C12orf56: variants seen among roughly 807,000 people sequenced by gnomAD.
C12orf56 encodes the protein uncharacterized protein C12orf56.
Under a neutral mutation model 69.9 loss-of-function variants are expected in C12orf56, and 71 were observed. That is an observed-to-expected ratio of 1.02 (90% confidence interval 0.84 to 1.24). The LOEUF is 1.24. Among genes scored for constraint, C12orf56 ranks in the 50% most tolerant of loss-of-function variants. The probability of loss-of-function intolerance (pLI) is 0.00; values close to 1 mark genes in which losing one functional copy is unlikely to be tolerated. For synonymous variants in C12orf56, 276 were observed against 274.1 expected (o/e 1.01, Z -0.07); for missense variants, 732 against 738.5 (o/e 0.99, Z 0.10).
At chr12:64,358,482 A>AATAATAATAATAATAATAATCATC (rs11275269) in intron 1 of C12orf56, among the ~76,000 whole-genome samples, 19 of 125,942 alleles carry the variant, frequency 1.5e-4, no homozygotes, top group African/African-American at 4.5e-4. Flanking sequence ...TAATAATAAT[A>AATAATAATAATAATAATAATCATC]ATCATCATCA....
chr12:64,368,288 C>T (rs2039525629), intron 1 of C12orf56, among the ~76,000 whole-genome samples: 1 of 152,096 alleles, frequency 6.6e-6, no homozygotes, highest in Non-Finnish European at 1.5e-5. Context: ...GACTGTACTA[C>T]ACAAACATGA....
chr12:64,306,733 A>G (rs886499184), intron 5 of C12orf56, among the ~76,000 whole-genome samples: 9 of 152,128 alleles, frequency 5.9e-5, no homozygotes, highest in African/African-American at 2.2e-4. Flanking sequence ...CTTTCCAGAC[A>G]TTTACTATAA....
intron 6 of C12orf56, among the ~76,000 whole-genome samples, chr12:64,298,793 A>G (rs896561885): frequency 2.0e-5 from 3 of 152,116 alleles, no homozygotes; most frequent in African/African-American, 7.2e-5. Flanking sequence ...GCCTTGTAGT[A>G]TAGTTTGAAG....
intron 9 of C12orf56, among the ~76,000 whole-genome samples, chr12:64,277,055 A>T (rs1366030407): frequency 1.4e-5 from 2 of 142,356 alleles, no homozygotes; most frequent in African/African-American, 5.1e-5. Context: ...CTAAAACATA[A>T]TTCTGACCAT....
intron 3 of C12orf56, among the ~76,000 whole-genome samples, chr12:64,326,850 T>C (rs1265989544): frequency 1.3e-5 from 2 of 152,192 alleles, no homozygotes; most frequent in Non-Finnish European, 2.9e-5. Context: ...GGTTTGAATA[T>C]TTGTCCCCTC....
chr12:64,274,932 A>T lies in C12orf56; in HGVS notation c.1553T>A (p.Ile518Lys), dbSNP rs749657900. 1 of 1,612,794 alleles carries T rather than the reference A, an allele frequency of 6.2e-7. No homozygotes were observed. Among genetic ancestry groups the T allele is most frequent in the South Asian group, 1.1e-5 (1 of 91,038 alleles). The change falls in exon 11 of 13, where the codon ATA (isoleucine) becomes AAA (lysine). Residue 518 changes from isoleucine (I) to lysine (K), a missense_variant. Ile to Lys is a moderately radical substitution (Grantham distance 102). Transcript: ENST00000543942. ...AGGACAGCTTTGTAGAAAGGACATT[A>T]TCCAGCTAATAGCAAACTTTGTGGA... ...LGSTKFAISW[I>K]MSFLQSCPPI...
intron 4 of C12orf56, among the ~76,000 whole-genome samples, chr12:64,315,061 C>G (rs1378218261): frequency 6.7e-6 from 1 of 148,188 alleles, no homozygotes; most frequent in African/African-American, 2.5e-5. Flanking sequence ...AAGCAATTCT[C>G]CTGCCTCAGC....
chr12:64,335,609 A>T (rs1592463992), intron 2 of C12orf56, among the ~76,000 whole-genome samples: 1 of 152,144 alleles, frequency 6.6e-6, no homozygotes, highest in Admixed American at 6.6e-5. Flanking sequence ...AGGCAGGAGG[A>T]TTGCTCAAGG....
intron 2 of C12orf56, among the ~76,000 whole-genome samples, chr12:64,337,108 T>A (rs1030992710): frequency 3.9e-5 from 6 of 152,146 alleles, no homozygotes; most frequent in African/African-American, 1.4e-4. Context: ...CAACTCCCAA[T>A]TACAGGGACA....
chr12:64,382,231 C>T (rs1303823818), intron 1 of C12orf56, among the ~76,000 whole-genome samples: 1 of 145,528 alleles, frequency 6.9e-6, no homozygotes, highest in Non-Finnish European at 1.5e-5. Flanking sequence ...CACTGCACTC[C>T]AGCCTGGGCC....
chr12:64,313,750 T>C (rs2038653393), intron 4 of C12orf56, among the ~76,000 whole-genome samples: 2 of 151,746 alleles, frequency 1.3e-5, no homozygotes, highest in Non-Finnish European at 2.9e-5. Context: ...TGTATATAGA[T>C]TTACCGATTT....
intron 1 of C12orf56, among the ~76,000 whole-genome samples, chr12:64,365,341 A>AT (rs1216601675): frequency 6.6e-6 from 1 of 151,308 alleles, no homozygotes; most frequent in Non-Finnish European, 1.5e-5. Context: ...ATTTTTTTGT[A>AT]TTTTTAGTAG....
intron 1 of C12orf56, among the ~76,000 whole-genome samples, chr12:64,386,592 C>T (rs1033657991): frequency 2.7e-5 from 4 of 150,286 alleles, no homozygotes; most frequent in African/African-American, 4.9e-5. Flanking sequence ...GACGGGGTGT[C>T]TCCATGTTGG....
chr12:64,318,060 GA>G (rs377646703), intron 4 of C12orf56, among the ~76,000 whole-genome samples: 1 of 151,908 alleles, frequency 6.6e-6, no homozygotes, highest in Non-Finnish European at 1.5e-5. Context: ...AACCCCAGGT[GA>G]TTTTTGTTTG....
At chr12:64,389,578 C>T (rs980781882) in intron 1 of C12orf56, among the ~76,000 whole-genome samples, 3 of 152,166 alleles carry the variant, frequency 2.0e-5, no homozygotes, top group Non-Finnish European at 4.4e-5. Context: ...CTCACGGCAA[C>T]CTCCGCCTCC....
intron 6 of C12orf56, among the ~76,000 whole-genome samples, chr12:64,294,718 G>A (rs977553886): frequency 6.6e-6 from 1 of 152,130 alleles, no homozygotes; most frequent in Non-Finnish European, 1.5e-5. Context: ...GTTGCTTAAT[G>A]GGTAGAGAGT....
intron 1 of C12orf56, among the ~76,000 whole-genome samples, chr12:64,365,699 A>AATATAATATATAGTTTATATAAT (rs2039459088): frequency 6.9e-6 from 1 of 145,376 alleles, no homozygotes; most frequent in Non-Finnish European, 1.5e-5. Context: ...TCTATTATAT[A>AATATAATATATAGTTTATATAAT]ATACAATATA....
rs577533045 is a variant in C12orf56, at chr12:64,375,911, G to A, written c.252+14403C>T. The stretch of plus-strand genomic sequence containing the variant: ...ACCAGCTCAGTAGTGGGACTGAGAA[G>A]AAGCTCCAAAGCATTTCCCAAAGCC... On this transcript the variant is annotated intron_variant, in intron 1 of 12. Transcript: ENST00000543942. Among the ~76,000 whole-genome samples, 4 of 152,272 alleles carry A rather than the reference G, an allele frequency of 2.6e-5. No individual in the cohort carries two copies. The East Asian group carries it at 7.7e-4, about 29-fold the overall frequency.
In C12orf56 at chr12:64,274,943, A is replaced by G. The variant is rs1443100154; in HGVS notation, c.1542T>C (p.Ala514=). Residue 514 remains alanine, a synonymous_variant, in exon 11 of 13, where the codon GCT becomes GCC. Transcript: ENST00000543942. ...GTAGAAAGGACATTATCCAGCTAAT[A>G]GCAAACTTTGTGGATCCCAATCCGA... ...GNLGLGSTKF[A]ISWIMSFLQS... 4 of 1,612,790 alleles carry G rather than the reference A, an allele frequency of 2.5e-6. No homozygotes were observed. The highest frequency in any genetic ancestry group is 3.4e-6 in the Non-Finnish European group (4 of 1,178,988).
Sources: gnomAD v4.1 joint callset for allele counts (sites outside exome capture counted in the v4.1 genomes callset) on GRCh38, gnomAD v4.1.1 for gene constraint, MANE v1.5 for transcripts, NCBI Gene and HGNC (gene_info 2026-07-23, HGNC 2026-07-21) for gene names.